Variants in UMAD1 observed in about 807,000 individuals in gnomAD.
UMAD1 encodes the protein UBAP1-MVB12-associated (UMA) domain containing 1, also known as UBAP1-MVB12-associated (UMA)-domain containing protein 1.
A neutral mutation model predicts 6.1 loss-of-function variants in UMAD1; 8 were observed. The observed-to-expected ratio is 1.30, with a 90% CI of 0.76 to 2.35. The LOEUF (loss-of-function observed/expected upper bound fraction) is 2.35, where lower values mean the gene tolerates loss of function less well. Among genes scored for constraint, UMAD1 ranks in the 30% most tolerant of loss-of-function variants. UMAD1 has a pLI of 0.00. For synonymous variants in UMAD1, 56 were observed against 31.4 expected (o/e 1.78, Z -2.61); for missense variants, 130 against 78.4 (o/e 1.66, Z -2.49).
intron 2 of UMAD1, chr7:7,715,119 A>G (rs1385750010): frequency 6.6e-6 from 1 of 152,196 alleles, no homozygotes; most frequent in African/African-American, 2.4e-5. Context: ...ATTATAGAAT[A>G]TCTCACCATT....
chr7:7,754,740 T>C (rs1196472539), intron 2 of UMAD1, among the ~76,000 whole-genome samples: 3 of 152,230 alleles, frequency 2.0e-5, no homozygotes, highest in African/African-American at 7.2e-5. Flanking sequence ...TAAAACAACT[T>C]GGGTTTGTGG....
At position 7,830,798 on chromosome 7, in the gene UMAD1, T is replaced by C. The variant is rs1200135654; in HGVS notation, c.156+29055T>C. Among the ~76,000 whole-genome samples the C allele has an allele frequency of 1.3e-5, 2 of 152,220 alleles. No homozygotes were observed. The highest frequency in any genetic ancestry group is 2.9e-5 in the Non-Finnish European group (2 of 68,038). ...TCTTTACTTGCCGATCTTGTATCTT[T>C]CAGTACTGGATAAGTGAAGTGAATG... On this transcript the variant is annotated intron_variant, in intron 3 of 3. Coordinates refer to ENST00000682710, the MANE Select transcript of UMAD1 (RefSeq NM_001302348.2). The surrounding 1 kb of genome is among the most constrained non-coding windows in gnomAD (Gnocchi z 5.3).
Position 7,671,294 on chromosome 7 carries a change from C to T in UMAD1, c.-63-2015C>T, listed in dbSNP as rs367815257. Among the ~76,000 whole-genome samples, 21 of 152,230 alleles carry T rather than the reference C, an allele frequency of 1.4e-4. No homozygotes were observed. In the East Asian group the frequency reaches 1.9e-3, roughly 14 times the overall value. ...TATCTTTTTCACCTCTGTGCATGCC[C>T]CCCTCTTCTCTTTATTTATTTGAGG... On this transcript the variant is annotated intron_variant, in intron 1 of 3. Transcript: ENST00000682710.
intron 2 of UMAD1, among the ~76,000 whole-genome samples, chr7:7,693,777 T>C (rs1780238328): frequency 6.6e-6 from 1 of 152,204 alleles, no homozygotes; most frequent in Non-Finnish European, 1.5e-5. Flanking sequence ...GTAAGATGTT[T>C]ATGTGATATT....
Position 7,782,498 on chromosome 7 carries a change from A to C in UMAD1, c.83-19172A>C, listed in dbSNP as rs141865524. Among the ~76,000 whole-genome samples the C allele has an allele frequency of 2.3e-3, 354 of 152,104 alleles. 3 individuals carry two copies. Among genetic ancestry groups the C allele is most frequent in the African/African-American group, 7.9e-3 (329 of 41,534 alleles). ...CTACATGCTATTGCATAGATAATAA[A>C]ATAATTTTTTATCAGTTTACTTTCA... On this transcript the variant is annotated intron_variant, in intron 2 of 3. Transcript: ENST00000682710.
At chr7:7,802,991 A>T (rs1782832816) in intron 3 of UMAD1, among the ~76,000 whole-genome samples, 1 of 152,210 alleles carries the variant, frequency 6.6e-6, no homozygotes, top group South Asian at 2.1e-4. Context: ...CATGAGGAGG[A>T]AGAAAATCAT....
At chr7:7,739,283 A>G (rs1583788037) in intron 2 of UMAD1, among the ~76,000 whole-genome samples, 2 of 152,250 alleles carry the variant, frequency 1.3e-5, no homozygotes, top group South Asian at 4.1e-4. Flanking sequence ...AGTCAATAAT[A>G]TAGCTCACTG....
intron 2 of UMAD1, among the ~76,000 whole-genome samples, chr7:7,772,148 A>T (rs536169572): frequency 2.8e-4 from 42 of 152,326 alleles, no homozygotes; most frequent in African/African-American, 9.4e-4. Flanking sequence ...ACTTGTGTCA[A>T]TCATTTTAGC....
In UMAD1 at chr7:7,877,312, T is replaced by C; in HGVS notation, c.188T>C (p.Val63Ala). 1.4e-6 allele frequency: 1 copy of C among 717,520 alleles called. No homozygotes were observed. Among genetic ancestry groups the C allele is most frequent in the East Asian group, 2.7e-5 (1 of 37,290 alleles). The allele number at this position is 717,520 out of a possible 1,614,324, so 44.4% of individuals were successfully genotyped here. A position where few individuals can be genotyped will look rare whatever the true frequency, so the allele number is the denominator to read the frequency against. The stretch of plus-strand genomic sequence containing the variant: ...AAAGAAAATTCATCCAGTGTGACTG[T>C]ATCAGACCCTGAGATGGAAAATAAG... Reference protein sequence around the residue: ...TNKENSSSVTVSDPEMENKAG... With the variant: ...TNKENSSSVTASDPEMENKAG... The change falls in exon 4 of 4, where the codon GTA becomes GCA. Residue 63 changes from valine (V) to alanine (A), a missense_variant. By Grantham distance (64) the Val-to-Ala change is moderately conservative (BLOSUM62 0). Transcript: ENST00000682710.
intron 3 of UMAD1, among the ~76,000 whole-genome samples, chr7:7,867,649 A>G (rs1784258041): frequency 6.6e-6 from 1 of 152,186 alleles, no homozygotes; most frequent in Non-Finnish European, 1.5e-5. Flanking sequence ...GGGTGCAGGC[A>G]GGAGGCAGGT....
chr7:7,790,322 G>A (rs562986919), intron 2 of UMAD1, among the ~76,000 whole-genome samples: 32 of 152,256 alleles, frequency 2.1e-4, no homozygotes, highest in African/African-American at 6.7e-4. Flanking sequence ...GTGTTTATGC[G>A]GATGAAAACT....
chr7:7,853,147 A>G (rs1783951061), intron 3 of UMAD1, among the ~76,000 whole-genome samples: 1 of 152,232 alleles, frequency 6.6e-6, no homozygotes, highest in Non-Finnish European at 1.5e-5. Flanking sequence ...TATGTATATC[A>G]TAATATCACA....
At chr7:7,866,553 G>A (rs114954565) in intron 3 of UMAD1, among the ~76,000 whole-genome samples, 1,977 of 152,304 alleles carry the variant, frequency 0.013, 32 homozygotes, top group Non-Finnish European at 0.018. Flanking sequence ...ATGAGCCAAG[G>A]CTCAGAACTA....
At chr7:7,655,837 C>T (rs111366228) in intron 1 of UMAD1, among the ~76,000 whole-genome samples, 1,625 of 151,396 alleles carry the variant, frequency 0.011, 26 homozygotes, top group African/African-American at 0.036. Context: ...CTCTCTCTCT[C>T]TTTGTTTTTG....
At chr7:7,722,157 CTA>C (rs1001676838) in intron 2 of UMAD1, among the ~76,000 whole-genome samples, 36 of 122,716 alleles carry the variant, frequency 2.9e-4, no homozygotes, top group East Asian at 2.3e-3. Flanking sequence ...CTCTCTCTCT[CTA>C]TATATATATA....
At chr7:7,663,522 A>G (rs1785529435) in intron 1 of UMAD1, among the ~76,000 whole-genome samples, 1 of 152,170 alleles carries the variant, frequency 6.6e-6, no homozygotes, top group African/African-American at 2.4e-5. Flanking sequence ...AAACAGGGGG[A>G]GAGTCTTTAT....
Position 7,673,331 on chromosome 7 carries a change from CAG to C in UMAD1, c.-40_-39del. 4.2e-6 allele frequency: 5 copies of C among 1,187,212 alleles called. No homozygotes were observed. The highest frequency in any genetic ancestry group is 6.0e-6 in the Non-Finnish European group (5 of 836,412). The allele number at this position is 1,187,212 out of a possible 1,614,324, so 73.5% of individuals were successfully genotyped here. ...CAGGTAGCAGCAGCAGCAGCAGCAG[CAG>C]CAGCAGCAGCAGCAGCAGCAGCAGC... On this transcript the variant is annotated 5_prime_UTR_variant, in exon 2 of 4. Coordinates refer to ENST00000682710, the MANE Select transcript of UMAD1 (RefSeq NM_001302348.2).
chr7:7,808,569 CT>C (rs964801237), intron 3 of UMAD1, among the ~76,000 whole-genome samples: 1 of 151,838 alleles, frequency 6.6e-6, no homozygotes, highest in African/African-American at 2.4e-5. Flanking sequence ...ATTTTGGTGA[CT>C]GAATTTTAAT....
intron 3 of UMAD1, among the ~76,000 whole-genome samples, chr7:7,841,405 C>T (rs919238989): frequency 2.6e-5 from 4 of 151,020 alleles, no homozygotes; most frequent in East Asian, 3.9e-4. Flanking sequence ...CAGGCTCAAG[C>T]GATCCTCCCA....
Sources: gnomAD v4.1 joint callset for allele counts (sites outside exome capture counted in the v4.1 genomes callset) on GRCh38, gnomAD v4.1.1 for gene constraint, Gnocchi (gnomAD v3.1) non-coding constraint, MANE v1.5 for transcripts, NCBI Gene and HGNC (gene_info 2026-07-23, HGNC 2026-07-21) for gene names.